The following ZFHX3 variants were observed in gnomAD, a reference collection of about 807,000 sequenced individuals.
The protein encoded by ZFHX3 is zinc finger homeobox protein 3.
ZFHX3 carries 42 observed loss-of-function variants against 279.1 expected under a neutral mutation model. That is an observed-to-expected ratio of 0.15 (90% CI 0.12 to 0.19). The LOEUF (loss-of-function observed/expected upper bound fraction) is 0.19, where lower values mean the gene tolerates loss of function less well. ZFHX3 is among the 10% of genes least tolerant of loss of function. The probability of loss-of-function intolerance (pLI) is 1.00; values close to 1 mark genes in which losing one functional copy is unlikely to be tolerated. For missense variants in ZFHX3, 4,981 were observed against 4,754.0 expected, an observed-to-expected ratio of 1.05 and a Z score of -1.40; for synonymous variants, 2,293 against 1,957.8, an observed-to-expected ratio of 1.17 and a Z score of -4.52.
At chr16:73,085,494 C>T (rs1019785129) in intron 8 of ZFHX3, among the ~76,000 whole-genome samples, 10 of 152,170 alleles carry the variant, frequency 6.6e-5, no homozygotes, top group Non-Finnish European at 1.5e-4. Context: ...GATCCGCCTG[C>T]CTCGGCCTCC....
chr16:73,231,253 C>T (rs1480477418), intron 5 of ZFHX3, among the ~76,000 whole-genome samples: 1 of 152,120 alleles, frequency 6.6e-6, no homozygotes, highest in Non-Finnish European at 1.5e-5. Context: ...GAGGCGCTTG[C>T]AGGAGAAAGC....
At chr16:73,118,961 C>G (rs939040473) in intron 7 of ZFHX3, among the ~76,000 whole-genome samples, 3 of 152,134 alleles carry the variant, frequency 2.0e-5, no homozygotes, top group Admixed American at 2.0e-4. Context: ...CCCTGAATAA[C>G]TTGAGCCAGG....
intron 2 of ZFHX3, among the ~76,000 whole-genome samples, chr16:73,578,626 T>C (rs1277248055): frequency 6.6e-6 from 1 of 151,362 alleles, no homozygotes; most frequent in African/African-American, 2.4e-5. Flanking sequence ...AAGTGATGTG[T>C]TTTTTTTTAA....
intron 3 of ZFHX3, chr16:73,400,333 G>C (rs1246840184): frequency 2.0e-5 from 3 of 152,234 alleles, no homozygotes; most frequent in Non-Finnish European, 2.9e-5. Flanking sequence ...GTGTACATGA[G>C]CTATTGGTGT....
intron 1 of ZFHX3, among the ~76,000 whole-genome samples, chr16:73,726,897 A>G (rs2053523459): frequency 6.6e-6 from 1 of 152,210 alleles, no homozygotes; most frequent in Non-Finnish European, 1.5e-5. Context: ...GTCTCTACCC[A>G]TTAGATTCCA....
chr16:72,972,059 T>C (rs1597037693), intron 1 of ZFHX3, among the ~76,000 whole-genome samples: 1 of 151,856 alleles, frequency 6.6e-6, no homozygotes, highest in Non-Finnish European at 1.5e-5. Flanking sequence ...GGCCGGCTAA[T>C]TTTTTGTAGT....
intron 1 of ZFHX3, among the ~76,000 whole-genome samples, chr16:73,719,351 G>T (rs549441625): frequency 6.6e-6 from 1 of 152,302 alleles, no homozygotes; most frequent in East Asian, 1.9e-4. Flanking sequence ...CATTATGTCA[G>T]GTGGCACCTG....
chr16:73,818,536 G>A (rs574837050), intron 1 of ZFHX3, among the ~76,000 whole-genome samples: 6 of 152,232 alleles, frequency 3.9e-5, no homozygotes, highest in Non-Finnish European at 8.8e-5. Context: ...GGTCAGCAGG[G>A]GTTTCAGACC....
At chr16:73,112,915 G>A (rs921195725) in intron 7 of ZFHX3, among the ~76,000 whole-genome samples, 3 of 151,870 alleles carry the variant, frequency 2.0e-5, no homozygotes, top group Non-Finnish European at 2.9e-5. Context: ...AGCCAGGCCC[G>A]CCCTGGAGTT....
Position 73,099,673 on chromosome 16 carries a change from G to A in ZFHX3, c.-896-6075C>T, listed in dbSNP as rs1966206880. Among the ~76,000 whole-genome samples the A allele has an allele frequency of 2.7e-5, 4 of 148,400 alleles. No individual in the cohort carries two copies. In the South Asian group the frequency reaches 6.4e-4, roughly 24 times the overall value. On this transcript the variant is annotated intron_variant, in intron 7 of 17. Coordinates refer to the ZFHX3 transcript ENST00000641206. ...TTGCAGTGAGCCGAGATCACACCAC[G>A]GCACTCCAGCCTGGGCGACAGAGTG...
intron 2 of ZFHX3, among the ~76,000 whole-genome samples, chr16:73,661,509 T>A (rs1240687726): frequency 6.6e-6 from 1 of 151,988 alleles, no homozygotes; most frequent in East Asian, 1.9e-4. Context: ...TCAGTTGAGG[T>A]TGGAAGTTTG....
chr16:73,428,615 T>C (rs1796314304), intron 3 of ZFHX3, among the ~76,000 whole-genome samples: 1 of 152,034 alleles, frequency 6.6e-6, no homozygotes, highest in African/African-American at 2.4e-5. Context: ...AAATGCAGGG[T>C]CATGTCCATT....
chr16:73,843,653 C>T (rs943190638), intron 1 of ZFHX3, among the ~76,000 whole-genome samples: 1 of 152,210 alleles, frequency 6.6e-6, no homozygotes, highest in Non-Finnish European at 1.5e-5. Flanking sequence ...TATCATCTGC[C>T]TTCAATCCCC....
chr16:73,756,169 G>A (rs1403672741), intron 1 of ZFHX3, among the ~76,000 whole-genome samples: 1 of 152,184 alleles, frequency 6.6e-6, no homozygotes, highest in Non-Finnish European at 1.5e-5. Context: ...GTATTCCCAG[G>A]TTAAGATAAA....
intron 3 of ZFHX3, among the ~76,000 whole-genome samples, chr16:72,908,914 A>C (rs2039251812): frequency 6.6e-6 from 1 of 152,220 alleles, no homozygotes; most frequent in Non-Finnish European, 1.5e-5. Flanking sequence ...ATTTTAGCTA[A>C]ACTGAAGGCT....
At chr16:73,877,734 C>A (rs2030000067) in intron 1 of ZFHX3, among the ~76,000 whole-genome samples, 1 of 151,820 alleles carries the variant, frequency 6.6e-6, no homozygotes, top group South Asian at 2.1e-4. Context: ...GGATTTTGTT[C>A]GGAGGAAAAA....
intron 2 of ZFHX3, among the ~76,000 whole-genome samples, chr16:73,480,192 A>G (rs1430923203): frequency 6.6e-6 from 1 of 151,510 alleles, no homozygotes; most frequent in Admixed American, 6.6e-5. Flanking sequence ...AGCATTTGAA[A>G]TGTTTTTAAG....
At chr16:72,820,454 C>T (rs2036758380) in intron 5 of ZFHX3, among the ~76,000 whole-genome samples, 1 of 152,184 alleles carries the variant, frequency 6.6e-6, no homozygotes, top group Non-Finnish European at 1.5e-5. Flanking sequence ...AGAGCCACCA[C>T]CTGGTTTAGA....
chr16:73,779,666 C>G (rs925679416), intron 1 of ZFHX3, among the ~76,000 whole-genome samples: 2 of 152,194 alleles, frequency 1.3e-5, no homozygotes, highest in East Asian at 3.9e-4. Context: ...AGCAGAAATG[C>G]GTTATGCTCC....
Sources: gnomAD v4.1 joint callset for allele counts (sites outside exome capture counted in the v4.1 genomes callset) on GRCh38, gnomAD v4.1.1 for gene constraint, MANE v1.5 for transcripts, NCBI Gene and HGNC (gene_info 2026-07-23, HGNC 2026-07-21) for gene names.